ALK: variants seen among roughly 807,000 people sequenced by gnomAD.
The protein encoded by ALK is ALK tyrosine kinase receptor.
ALK carries 74 observed loss-of-function variants against 163.1 expected under a neutral mutation model. That is an observed-to-expected ratio of 0.45 (90% CI 0.38 to 0.55). ALK has a LOEUF of 0.55. Among genes scored for constraint, ALK ranks in the 20% least tolerant of loss-of-function variants. The pLI, the probability that ALK is intolerant of heterozygous loss-of-function variation, is 0.00. For synonymous variants in ALK, 960 were observed against 843.2 expected, an observed-to-expected ratio of 1.14 and a Z score of -2.40; for missense variants, 2,063 against 2,105.3, an observed-to-expected ratio of 0.98 and a Z score of 0.39.
chr2:29,793,256 G>A (rs1193789880), intron 1 of ALK, among the ~76,000 whole-genome samples: 3 of 152,136 alleles, frequency 2.0e-5, no homozygotes, highest in Non-Finnish European at 4.4e-5. Flanking sequence ...CAGCAATTCA[G>A]TCACATCTTT....
intron 1 of ALK, among the ~76,000 whole-genome samples, chr2:29,771,458 T>C (rs1681020444): frequency 6.6e-6 from 1 of 152,026 alleles, no homozygotes; most frequent in Non-Finnish European, 1.5e-5. Context: ...TCAATAGTAA[T>C]ACCAGAGACC....
chr2:29,741,573 G>T (rs1680058052), intron 1 of ALK, among the ~76,000 whole-genome samples: 1 of 152,176 alleles, frequency 6.6e-6, no homozygotes, highest in Non-Finnish European at 1.5e-5. Flanking sequence ...TAAGAGGTCA[G>T]ATCCATTCAA....
chr2:29,474,129 T>G (rs931265145), intron 4 of ALK, among the ~76,000 whole-genome samples: 1 of 152,210 alleles, frequency 6.6e-6, no homozygotes, highest in Non-Finnish European at 1.5e-5. Context: ...CCTAATTCAC[T>G]GGATATATTG....
chr2:29,243,967 T>G (rs1664589029), intron 12 of ALK, among the ~76,000 whole-genome samples: 1 of 150,992 alleles, frequency 6.6e-6, no homozygotes. Context: ...GGTTTGTGTT[T>G]TGTATTAGAA....
chr2:29,652,820 G>A (rs986862515), intron 3 of ALK, among the ~76,000 whole-genome samples: 6 of 152,124 alleles, frequency 3.9e-5, no homozygotes, highest in Non-Finnish European at 7.4e-5. Flanking sequence ...GGGCATGGGA[G>A]CACCACACCC....
At chr2:29,550,600 G>T (rs1673689431) in intron 3 of ALK, among the ~76,000 whole-genome samples, 1 of 152,150 alleles carries the variant, frequency 6.6e-6, no homozygotes, top group African/African-American at 2.4e-5. Flanking sequence ...CCAGAAAATT[G>T]AAATTTGGGC....
chr2:29,421,336 AAG>A (rs151117068), intron 4 of ALK, among the ~76,000 whole-genome samples: 3,365 of 151,620 alleles, frequency 0.022, 46 homozygotes, highest in Middle Eastern at 0.061. Context: ...CGGGGTAGAA[AAG>A]AGAGTCTTGG....
At chr2:29,197,801 A>G in intron 26 of ALK, 125 bp from the exon 27 acceptor site, 1 of 830,626 alleles carries the variant, frequency 1.2e-6, no homozygotes, top group Non-Finnish European at 2.0e-6. Context: ...TTTCCATAAC[A>G]TAGAACTCTT....
chr2:29,372,879 A>G (rs1051622126), intron 5 of ALK, among the ~76,000 whole-genome samples: 1 of 152,240 alleles, frequency 6.6e-6, no homozygotes, highest in African/African-American at 2.4e-5. Flanking sequence ...TGTTTCAGGA[A>G]GACGGAGATG....
intron 1 of ALK, among the ~76,000 whole-genome samples, chr2:29,893,806 A>G (rs186513806): frequency 2.6e-5 from 4 of 152,254 alleles, no homozygotes; most frequent in Admixed American, 1.3e-4. Flanking sequence ...AGTTTCTTCT[A>G]TGGGGAAAAG....
chr2:29,722,755 C>T (rs565695063), intron 1 of ALK, among the ~76,000 whole-genome samples: 1 of 152,154 alleles, frequency 6.6e-6, no homozygotes, highest in Admixed American at 6.5e-5. Context: ...CATCCAACTG[C>T]CTGCTCAAAA....
intron 9 of ALK, among the ~76,000 whole-genome samples, chr2:29,278,043 T>G (rs960193774): frequency 1.3e-5 from 2 of 152,120 alleles, no homozygotes; most frequent in African/African-American, 2.4e-5. Flanking sequence ...GATACAGCAG[T>G]GTGCGAGCTC....
At chr2:29,693,305 A>G (rs1354516144) in intron 3 of ALK, among the ~76,000 whole-genome samples, 3 of 152,100 alleles carry the variant, frequency 2.0e-5, no homozygotes, top group Non-Finnish European at 2.9e-5. Context: ...TCTCCATCTC[A>G]GATCTATTGA....
At chr2:29,288,508 G>C (rs563689616) in intron 9 of ALK, among the ~76,000 whole-genome samples, 1 of 152,180 alleles carries the variant, frequency 6.6e-6, no homozygotes, top group Non-Finnish European at 1.5e-5. Context: ...TCTTCAGGTG[G>C]CCCAGGCCTA....
chr2:29,419,201 C>A (rs1669957980), intron 4 of ALK, among the ~76,000 whole-genome samples: 1 of 151,170 alleles, frequency 6.6e-6, no homozygotes, highest in Non-Finnish European at 1.5e-5. Flanking sequence ...ATTACAGGTA[C>A]ATGCCACCAT....
At chr2:29,690,352 G>A (rs1678358458) in intron 3 of ALK, among the ~76,000 whole-genome samples, 1 of 152,170 alleles carries the variant, frequency 6.6e-6, no homozygotes, top group South Asian at 2.1e-4. Flanking sequence ...AGCTGTTCCA[G>A]GAAGAATAGG....
chr2:29,284,827 G>A (rs1665808511), intron 9 of ALK, among the ~76,000 whole-genome samples: 1 of 152,176 alleles, frequency 6.6e-6, no homozygotes, highest in African/African-American at 2.4e-5. Context: ...ATCAATGCCT[G>A]GTTGCACATC....
At chr2:29,370,349 GC>G (rs749556040) in intron 5 of ALK, among the ~76,000 whole-genome samples, 1 of 152,100 alleles carries the variant, frequency 6.6e-6, no homozygotes, top group Non-Finnish European at 1.5e-5. Context: ...GTTGGTCCCA[GC>G]CATGGCAGCT....
At chr2:29,621,241 A>G (rs1676029179) in intron 3 of ALK, among the ~76,000 whole-genome samples, 1 of 146,200 alleles carries the variant, frequency 6.8e-6, no homozygotes, top group African/African-American at 2.6e-5. Context: ...CTGAGGTGAG[A>G]AAAAAAAAAC....
Sources: allele counts gnomAD v4.1 joint callset (sites outside exome capture counted in the v4.1 genomes callset), GRCh38; gene constraint gnomAD v4.1.1; transcripts MANE v1.5; gene names NCBI Gene and HGNC (gene_info 2026-07-23, HGNC 2026-07-21).